ZNF219: variants seen among roughly 807,000 people sequenced by gnomAD.
ZNF219 encodes the protein zinc finger protein 219.
A neutral mutation model predicts 54.4 loss-of-function variants in ZNF219; 17 were observed. That is an observed-to-expected ratio of 0.31 (90% CI 0.21 to 0.47). The LOEUF is 0.47. Ranked by LOEUF, ZNF219 falls within the 20% of genes least tolerant of loss-of-function variation. ZNF219 has a pLI of 1.00. For synonymous variants in ZNF219, 518 were observed against 476.4 expected (o/e 1.09, Z -1.14); for missense variants, 1,014 against 1,062.3 (o/e 0.95, Z 0.63).
upstream of ZNF219, chr14:21,103,246 C>T: frequency 1.9e-6 from 3 of 1,551,444 alleles, no homozygotes; most frequent in Non-Finnish European, 2.6e-6. Context: ...GTGCTGCTCT[C>T]CTTCCACCCT....
chr14:21,093,114 T>C lies in ZNF219; in HGVS notation c.183A>G (p.Val61=). Residue 61 remains valine (V), a synonymous_variant, in exon 3 of 5, where the codon GTA becomes GTG. Coordinates refer to ENST00000360947, the MANE Select transcript of ZNF219 (RefSeq NM_016423.3). Reference sequence around the variant, plus strand: ...AGTTGAAGCGGAAGCGCTTCCCGCATACAGGGCAGGGGAAGCGCCGTTCGC... The same window carrying C: ...AGTTGAAGCGGAAGCGCTTCCCGCACACAGGGCAGGGGAAGCGCCGTTCGC... ...RAGERRFPCP[V]CGKRFRFNSI... is the part of the protein sequence containing the mutation. 2 of 1,609,476 alleles carry C rather than the reference T, an allele frequency of 1.2e-6. No individual in the cohort carries two copies. The highest frequency in any genetic ancestry group is 1.7e-5 in the Admixed American group (1 of 59,520).
intron 2 of ZNF219, 66 bp downstream of exon 2, chr14:21,093,520 G>T (rs932828844): frequency 1.9e-6 from 3 of 1,566,980 alleles, no homozygotes; most frequent in Admixed American, 3.3e-5. Context: ...AAGAGAGAGA[G>T]AGGTAGGCAG....
chr14:21,094,354 C>T (rs1330044660), intron 1 of ZNF219: 1 of 455,730 alleles, frequency 2.2e-6, no homozygotes, highest in Non-Finnish European at 4.4e-6. Context: ...TTAAGGGGCA[C>T]AGCTAGCCTG....
chr14:21,101,577 T>C, upstream of ZNF219: 1 of 889,706 alleles, frequency 1.1e-6, no homozygotes, highest in Non-Finnish European at 1.7e-6. Context: ...AGGTTCTGAA[T>C]GGGAGGAGGG....
In ZNF219 at chr14:21,092,307, T is replaced by C. The variant is rs1021362624; in HGVS notation, c.990A>G (p.Pro330=). ...CGGAGGCAGGCCCCGGGGCACGCAG[T>C]GGGCCCAGCTTGCTGGCGTGCACCT... ...HMKVHASKLG[P]LRAPGPASGP... is the part of the protein sequence containing the mutation. Residue 330 remains proline, a synonymous_variant, in exon 3 of 5, where the codon CCA becomes CCG. Coordinates refer to ENST00000360947, the MANE Select transcript of ZNF219 (RefSeq NM_016423.3). 7 of 1,542,292 alleles carry C rather than the reference T, an allele frequency of 4.5e-6. No homozygotes were observed. In the African/African-American group the frequency reaches 8.2e-5, roughly 18 times the overall value.
chr14:21,102,914 G>T, upstream of ZNF219: 1 of 1,382,946 alleles, frequency 7.2e-7, no homozygotes, highest in Non-Finnish European at 9.6e-7. Context: ...AAACTGATTG[G>T]CTTTCTCTGG....
upstream of ZNF219, chr14:21,103,104 T>G (rs1197787174): frequency 5.8e-6 from 9 of 1,551,542 alleles, no homozygotes; most frequent in South Asian, 2.4e-5. Context: ...CTTTCTCACC[T>G]CTACAATTTG....
chr14:21,094,925 T>C (rs1889210298), intron 1 of ZNF219, among the ~76,000 whole-genome samples: 1 of 119,540 alleles, frequency 8.4e-6, no homozygotes, highest in African/African-American at 3.3e-5. Flanking sequence ...TTTTTTTTTT[T>C]TGTCTAAGAA....
In ZNF219 at chr14:21,098,542, G is replaced by A. The variant is rs1459541609; in HGVS notation, c.-314C>T. On this transcript the variant is annotated 5_prime_UTR_variant, in exon 1 of 5. Transcript: ENST00000360947. ...GCCATTAGCATGCGGGGGGCGGCGCGGCGGGGCTGGGAGCCGCGCGGGAGC... is the reference window on the plus strand; with the variant it reads ...GCCATTAGCATGCGGGGGGCGGCGCAGCGGGGCTGGGAGCCGCGCGGGAGC... 8.1e-6 allele frequency: 8 copies of A among 986,340 alleles called. No individual in the cohort carries two copies. In the East Asian group the frequency reaches 3.4e-4, roughly 42 times the overall value. 61.1% of individuals were successfully genotyped at this position (986,340 alleles called of 1,614,324 possible).
At chr14:21,094,599 G>C (rs1889177252) in intron 1 of ZNF219, 2 of 349,080 alleles carry the variant, frequency 5.7e-6, no homozygotes, top group South Asian at 4.3e-5. Flanking sequence ...TGCACAGATA[G>C]GGACTCAGCA....
chr14:21,102,921 C>A (rs754586215), upstream of ZNF219: 25 of 1,388,016 alleles, frequency 1.8e-5, no homozygotes, highest in Non-Finnish European at 2.3e-5. Context: ...TTGGCTTTCT[C>A]TGGCTTTGAA....
chr14:21,096,555 C>G (rs1479706683), intron 1 of ZNF219, among the ~76,000 whole-genome samples: 2 of 152,184 alleles, frequency 1.3e-5, no homozygotes, highest in Non-Finnish European at 1.5e-5. Context: ...TATAGTCAGG[C>G]CTTAAACACC....
chr14:21,094,059 G>A (rs1033544176), intron 1 of ZNF219, among the ~76,000 whole-genome samples: 6 of 152,184 alleles, frequency 3.9e-5, no homozygotes, highest in African/African-American at 1.4e-4. Context: ...AGTGGGACCA[G>A]TTGCTCTGAG....
upstream of ZNF219, among the ~76,000 whole-genome samples, chr14:21,100,601 C>T (rs186693273): frequency 1.5e-4 from 23 of 152,194 alleles, no homozygotes; most frequent in Non-Finnish European, 2.5e-4. Context: ...CAATCCCCAC[C>T]ATAAACAGGG....
intron 1 of ZNF219, among the ~76,000 whole-genome samples, chr14:21,095,527 C>T (rs578187515): frequency 6.6e-6 from 1 of 152,266 alleles, no homozygotes; most frequent in African/African-American, 2.4e-5. Flanking sequence ...TCCCTTCCTG[C>T]TCGAAAAAAG....
At chr14:21,099,874 C>T (rs186172556), upstream of ZNF219, among the ~76,000 whole-genome samples, 1 of 152,256 alleles carries the variant, frequency 6.6e-6, no homozygotes, top group Admixed American at 6.5e-5. Context: ...GCTGGTTCTG[C>T]TTCCGACTGT....
At chr14:21,098,748 T>A, upstream of ZNF219, 1 of 1,229,926 alleles carries the variant, frequency 8.1e-7, no homozygotes, top group Non-Finnish European at 1.0e-6. Context: ...TTTTGAAAGG[T>A]CATCTCGTCC....
Position 21,090,235 on chromosome 14 carries a change from T to C in ZNF219, c.*301A>G, listed in dbSNP as rs987487137. 4.7e-6 allele frequency: 3 copies of C among 638,346 alleles called. No homozygotes were observed. Among genetic ancestry groups the C allele is most frequent in the Non-Finnish European group, 8.7e-6 (3 of 343,354 alleles). The allele number at this position is 638,346 out of a possible 1,614,324, so 39.5% of individuals were successfully genotyped here. ...TTGTACAAAAATAAACTCTCACGCC[T>C]ATGGACCAGCAAAGACTGGCAGAGT... On this transcript the variant is annotated 3_prime_UTR_variant, in exon 5 of 5. Transcript: ENST00000360947. This position sits in a 1 kb window ranked among gnomAD's most constrained non-coding sequence, Gnocchi z 4.4.
In ZNF219 at chr14:21,093,145, C is replaced by A. The variant is rs1358257726; in HGVS notation, c.152G>T (p.Arg51Leu). Residue 51 changes from arginine to leucine, a missense_variant, in exon 3 of 5, where the codon CGT becomes CTT. Transcript: ENST00000360947. ...GMGAVSWSESRAGERRFPCPV... is the reference protein window; with the variant it reads ...GMGAVSWSESLAGERRFPCPV... ...GCAGGGGAAGCGCCGTTCGCCTGCA[C>A]GACTCTCAGACCAGCTCACCGCTCC... 2.5e-6 allele frequency: 4 copies of A among 1,610,440 alleles called. No homozygotes were observed. In the African/African-American group the frequency reaches 4.0e-5, roughly 16 times the overall value.
Sources: gnomAD v4.1 joint callset for allele counts (sites outside exome capture counted in the v4.1 genomes callset) on GRCh38, gnomAD v4.1.1 for gene constraint, Gnocchi (gnomAD v3.1) non-coding constraint, MANE v1.5 for transcripts, NCBI Gene and HGNC (gene_info 2026-07-23, HGNC 2026-07-21) for gene names.